The following SAMD4B variants were observed in gnomAD, a reference collection of about 807,000 sequenced individuals.
SAMD4B encodes sterile alpha motif domain containing 4B.
Under a neutral mutation model 74.5 loss-of-function variants are expected in SAMD4B, and 5 were observed. The ratio of observed to expected loss-of-function variants is 0.07; its 90% CI spans 0.04 to 0.14. The LOEUF is 0.14. SAMD4B is among the 10% of genes least tolerant of loss of function. The pLI, the probability that SAMD4B is intolerant of heterozygous loss-of-function variation, is 1.00. For missense variants in SAMD4B, 608 were observed against 921.8 expected (o/e 0.66, Z 4.41); for synonymous variants, 373 against 374.9 (o/e 1.00, Z 0.06).
At chr19:39,388,918 C>A, downstream of SAMD4B, 1 of 1,611,854 alleles carries the variant, frequency 6.2e-7, no homozygotes, top group Non-Finnish European at 8.5e-7. Flanking sequence ...AATAGGCTGT[C>A]CCTTTCTACC....
chr19:39,343,854 C>T (rs1600503808), intron 1 of SAMD4B, among the ~76,000 whole-genome samples: 1 of 151,938 alleles, frequency 6.6e-6, no homozygotes, highest in East Asian at 1.9e-4. Flanking sequence ...GTAGAACTCC[C>T]CTTCACTAAC....
Position 39,356,744 on chromosome 19 carries a change from C to A in SAMD4B, c.-150C>A. ...CTCCCCCCATGTGAGCAGGCTTCCTCCTCCCCCAACAACCGTTGCCACCAC... is the reference window on the plus strand; with the variant it reads ...CTCCCCCCATGTGAGCAGGCTTCCTACTCCCCCAACAACCGTTGCCACCAC... On this transcript the variant is annotated 5_prime_UTR_variant, in exon 3 of 14. Coordinates refer to ENST00000610417, the MANE Select transcript of SAMD4B (RefSeq NM_001384574.2). 1.6e-6 allele frequency: 1 copy of A among 618,214 alleles called. No homozygotes were observed. The highest frequency in any genetic ancestry group is 2.8e-6 in the Non-Finnish European group (1 of 359,104). 38.3% of individuals were successfully genotyped at this position (618,214 alleles called of 1,614,324 possible).
chr19:39,343,709 C>G (rs1451581846), intron 1 of SAMD4B, among the ~76,000 whole-genome samples: 6 of 151,964 alleles, frequency 3.9e-5, no homozygotes. Flanking sequence ...AGAGGACTCT[C>G]AGCATCATAT....
intron 1 of SAMD4B, chr19:39,350,854 G>A (rs1568343938): frequency 6.6e-6 from 1 of 151,902 alleles, no homozygotes; most frequent in African/African-American, 2.4e-5. Context: ...CAGAACTCAA[G>A]TGATCCTCCC....
At position 39,375,159 on chromosome 19, in the gene SAMD4B, C is replaced by T. The variant is rs917599762; in HGVS notation, c.668-491C>T. On this transcript the variant is annotated intron_variant, in intron 4 of 13. Coordinates refer to ENST00000610417, the MANE Select transcript of SAMD4B (RefSeq NM_001384574.2). The surrounding 1 kb of genome is among the most constrained non-coding windows in gnomAD (Gnocchi z 4.1). Reference sequence around the variant, plus strand: ...GAGGCAAAGGCTAGAGAGGCATGAACCAAGTGGTGGGTTGTGGGAGAGGAA... The same window carrying T: ...GAGGCAAAGGCTAGAGAGGCATGAATCAAGTGGTGGGTTGTGGGAGAGGAA... 6.6e-6 allele frequency among the ~76,000 whole-genome samples: 1 copy of T among 152,148 alleles called. No individual in the cohort carries two copies. Among genetic ancestry groups the T allele is most frequent in the African/African-American group, 2.4e-5 (1 of 41,422 alleles).
At chr19:39,390,700 T>C (rs1382435787), downstream of SAMD4B, 8 of 1,096,286 alleles carry the variant, frequency 7.3e-6, no homozygotes, top group African/African-American at 1.2e-4. Flanking sequence ...ACCCGCCCCC[T>C]TCGTCAAAGG....
At position 39,383,681 on chromosome 19, in the gene SAMD4B, A is replaced by G. The variant is rs1434556119; in HGVS notation, c.*154A>G. The G allele has an allele frequency of 2.6e-6, 4 of 1,556,002 alleles. No homozygotes were observed. Among genetic ancestry groups the G allele is most frequent in the African/African-American group, 1.4e-5 (1 of 73,310 alleles). On this transcript the variant is annotated 3_prime_UTR_variant, in exon 14 of 14. Transcript: ENST00000610417. The surrounding 1 kb of genome is among the most constrained non-coding windows in gnomAD (Gnocchi z 4.1). ...CTTACCCTCTTAACTTTTGTTTAACATTGGCACATGCCTTGCTCACTCCCA... is the reference window on the plus strand; with the variant it reads ...CTTACCCTCTTAACTTTTGTTTAACGTTGGCACATGCCTTGCTCACTCCCA...
intron 1 of SAMD4B, among the ~76,000 whole-genome samples, chr19:39,346,636 A>G (rs1194462069): frequency 6.6e-6 from 1 of 152,208 alleles, no homozygotes; most frequent in Non-Finnish European, 1.5e-5. Context: ...GAGATTAAGA[A>G]CAGGTAGGAC....
downstream of SAMD4B, chr19:39,385,872 T>G (rs1161799953): frequency 4.2e-6 from 6 of 1,443,964 alleles, no homozygotes; most frequent in Non-Finnish European, 5.5e-6. Flanking sequence ...TTGACTTTAT[T>G]AACAGCAAAG....
At chr19:39,367,801 G>A (rs1476266099) in intron 3 of SAMD4B, among the ~76,000 whole-genome samples, 1 of 150,150 alleles carries the variant, frequency 6.7e-6, no homozygotes, top group African/African-American at 2.4e-5. Flanking sequence ...GAGCCACCAC[G>A]CCCAGTGCTA....
At chr19:39,387,296 C>A (rs138432417), downstream of SAMD4B, 7 of 310,854 alleles carry the variant, frequency 2.3e-5, no homozygotes, top group African/African-American at 1.3e-4. Context: ...AGTAAAGATA[C>A]GGTATTCTAT....
intron 1 of SAMD4B, chr19:39,350,205 C>T (rs2075951948): frequency 6.6e-6 from 1 of 152,114 alleles, no homozygotes; most frequent in African/African-American, 2.4e-5. Context: ...AGGAAAAAAG[C>T]ATCATGCGCG....
chr19:39,347,590 A>G (rs549926207), intron 1 of SAMD4B, among the ~76,000 whole-genome samples: 1 of 152,312 alleles, frequency 6.6e-6, no homozygotes, highest in East Asian at 1.9e-4. Flanking sequence ...ATATGAGGTG[A>G]TCAGCCTGGC....
At chr19:39,365,961 G>C (rs1377273678) in intron 3 of SAMD4B, among the ~76,000 whole-genome samples, 1 of 152,166 alleles carries the variant, frequency 6.6e-6, no homozygotes, top group Non-Finnish European at 1.5e-5. Flanking sequence ...AGCACTTTGG[G>C]AGGCTGAGGT....
downstream of SAMD4B, chr19:39,386,164 G>C (rs2078243348): frequency 6.2e-7 from 1 of 1,614,118 alleles, no homozygotes; most frequent in Non-Finnish European, 8.5e-7. The surrounding 1 kb of genome is among the most constrained non-coding windows in gnomAD (Gnocchi z 6.1). Flanking sequence ...CTGCCACCTT[G>C]GGCCTGTCCT....
intron 1 of SAMD4B, among the ~76,000 whole-genome samples, chr19:39,347,194 C>T (rs926084085): frequency 6.6e-6 from 1 of 152,160 alleles, no homozygotes; most frequent in Non-Finnish European, 1.5e-5. Context: ...TTAGCTTCAT[C>T]CTCAACAAGC....
chr19:39,389,911 A>T (rs2078336572), downstream of SAMD4B: 1 of 1,132,082 alleles, frequency 8.8e-7, no homozygotes, highest in East Asian at 2.3e-5. The surrounding 1 kb of genome is among the most constrained non-coding windows in gnomAD (Gnocchi z 5.3). Context: ...GTGGGAAGGG[A>T]CTTGGACACT....
chr19:39,367,966 G>A (rs888127055), intron 3 of SAMD4B, among the ~76,000 whole-genome samples: 1 of 151,800 alleles, frequency 6.6e-6, no homozygotes, highest in Admixed American at 6.6e-5. Flanking sequence ...TGTAATCCCA[G>A]CACTTTGGGA....
At chr19:39,374,922 C>G (rs1012931971) in intron 4 of SAMD4B, among the ~76,000 whole-genome samples, 1 of 152,092 alleles carries the variant, frequency 6.6e-6, no homozygotes, top group Non-Finnish European at 1.5e-5. Flanking sequence ...AAAGACAAGA[C>G]AGTAATGTGA....
Sources: gnomAD v4.1 joint callset for allele counts (sites outside exome capture counted in the v4.1 genomes callset) on GRCh38, gnomAD v4.1.1 for gene constraint, Gnocchi (gnomAD v3.1) non-coding constraint, MANE v1.5 for transcripts, NCBI Gene and HGNC (gene_info 2026-07-23, HGNC 2026-07-21) for gene names.